Variants in LYPD8 observed in about 807,000 individuals in gnomAD.
LYPD8 encodes the protein ly6/PLAUR domain-containing protein 8.
Under a neutral mutation model 1.7 loss-of-function variants are expected in LYPD8, and 8 were observed. The ratio of observed to expected loss-of-function variants is 4.58; its 90% CI spans 2.69 to 8.27. The LOEUF (loss-of-function observed/expected upper bound fraction) is 8.27. LYPD8 is among the 30% of genes most tolerant of loss of function. The pLI is 0.00. For missense variants in LYPD8, 112 were observed against 102.3 expected (o/e 1.09, Z -0.41); for synonymous variants, 50 against 43.6 (o/e 1.15, Z -0.58).
At position 248,748,463 on chromosome 1, in the gene LYPD8, G is replaced by A. The variant is rs1343717660; in HGVS notation, c.173-10C>T. 2.5e-6 allele frequency: 1 copy of A among 401,684 alleles called. No individual in the cohort carries two copies. The highest frequency in any genetic ancestry group is 2.1e-5 in the African/African-American group (1 of 48,668). The allele number at this position is 401,684 out of a possible 1,614,324, so 24.9% of individuals were successfully genotyped here. A position where few individuals can be genotyped will look rare whatever the true frequency, so the allele number is the denominator to read the frequency against. ...AATCTGACTGGTGTCTCTACACAAAGACAAACACAGACTGTCAGCCCCTGG... is the reference window on the plus strand; with the variant it reads ...AATCTGACTGGTGTCTCTACACAAAAACAAACACAGACTGTCAGCCCCTGG... On this transcript the variant is annotated splice_polypyrimidine_tract_variant and intron_variant, in intron 4 of 6. Coordinates refer to ENST00000590317, the MANE Select transcript of LYPD8 (RefSeq NM_001085474.2).
In LYPD8 at chr1:248,739,638, G is replaced by C; in HGVS notation, c.687C>G (p.Ser229Arg). 2 of 1,551,720 alleles carry C rather than the reference G, an allele frequency of 1.3e-6. No individual in the cohort carries two copies. Among genetic ancestry groups the C allele is most frequent in the Non-Finnish European group, 1.7e-6 (2 of 1,147,006 alleles). ...AGGGCAGCAGTCCCCGAAGAAGGAG[G>C]CTGGCAAGGGCCAAGAGGTAGAGGG... ...KASLYLLALASLLLRGLLP is the reference protein window; with the variant it reads ...KASLYLLALARLLLRGLLP Residue 229 changes from serine to arginine, a missense_variant, in exon 7 of 7, where the codon AGC becomes AGG. Transcript: ENST00000590317. This position sits in a 1 kb window ranked among gnomAD's most constrained non-coding sequence, Gnocchi z 4.3.
chr1:248,746,245 C>G (rs1662724416), intron 5 of LYPD8, among the ~76,000 whole-genome samples: 1 of 152,032 alleles, frequency 6.6e-6, no homozygotes, highest in Non-Finnish European at 1.5e-5. Context: ...CTTTGGGGTC[C>G]TCAATAATTT....
At chr1:248,742,605 G>T (rs797043422) in intron 6 of LYPD8, among the ~76,000 whole-genome samples, 1 of 90,120 alleles carries the variant, frequency 1.1e-5, no homozygotes, top group Non-Finnish European at 2.2e-5. Context: ...GCAGTCGGGG[G>T]AGATTATGCT....
intron 2 of LYPD8, among the ~76,000 whole-genome samples, chr1:248,752,354 C>T (rs1476066215): frequency 6.6e-6 from 1 of 151,936 alleles, no homozygotes; most frequent in Non-Finnish European, 1.5e-5. Flanking sequence ...TCGCTCGGCT[C>T]CTAAGGCCAA....
chr1:248,745,395 T>C (rs1414041326), intron 5 of LYPD8, 116 bp from the exon 6 acceptor site: 1 of 394,768 alleles, frequency 2.5e-6, no homozygotes, highest in Non-Finnish European at 4.5e-6. Flanking sequence ...ATGACATCCT[T>C]GGGAATCTCA....
chr1:248,752,964 C>CACATCACACA (rs1662841260), intron 2 of LYPD8, among the ~76,000 whole-genome samples: 1 of 124,560 alleles, frequency 8.0e-6, no homozygotes, highest in Non-Finnish European at 1.6e-5. Flanking sequence ...ACCAAACACC[C>CACATCACACA]CACACAACAC....
At chr1:248,754,081 C>A (rs1662886459) in intron 2 of LYPD8, among the ~76,000 whole-genome samples, 1 of 148,542 alleles carries the variant, frequency 6.7e-6, no homozygotes, top group Non-Finnish European at 1.5e-5. Flanking sequence ...ACACCACACA[C>A]ATACACCACA....
chr1:248,744,777 AAGTGT>A (rs1396281319), intron 6 of LYPD8, among the ~76,000 whole-genome samples: 1 of 152,030 alleles, frequency 6.6e-6, no homozygotes, highest in Non-Finnish European at 1.5e-5. Flanking sequence ...TAGAGAATAA[AAGTGT>A]AGATATAAAA....
At chr1:248,740,117 C>G (rs1331673262) in intron 6 of LYPD8, among the ~76,000 whole-genome samples, 1 of 152,212 alleles carries the variant, frequency 6.6e-6, no homozygotes, top group African/African-American at 2.4e-5. Context: ...GAGTGGCAAG[C>G]CCAGGCTAAA....
Position 248,739,981 on chromosome 1 carries a change from G to T in LYPD8, c.476-132C>A. 2 of 1,188,040 alleles carry T rather than the reference G, an allele frequency of 1.7e-6. No individual in the cohort carries two copies. The highest frequency in any genetic ancestry group is 2.3e-6 in the Non-Finnish European group (2 of 856,490). 73.6% of individuals were successfully genotyped at this position (1,188,040 alleles called of 1,614,324 possible). A position where few individuals can be genotyped will look rare whatever the true frequency, so the allele number is the denominator to read the frequency against. On this transcript the variant is annotated intron_variant, in intron 6 of 6. Transcript: ENST00000590317. The surrounding 1 kb of genome is among the most constrained non-coding windows in gnomAD (Gnocchi z 4.3). ...GAGCTGGTGTGCTCCTGAAGCCCAG[G>T]CAGGAAGAAGGAGCCTGCGTGTTCA...
Position 248,751,020 on chromosome 1 carries a change from G to A in LYPD8, c.52+10C>T, listed in dbSNP as rs1310890443. 5.0e-6 allele frequency: 2 copies of A among 398,500 alleles called. No individual in the cohort carries two copies. The highest frequency in any genetic ancestry group is 2.1e-5 in the African/African-American group (1 of 48,626). The allele number at this position is 398,500 out of a possible 1,614,324, so 24.7% of individuals were successfully genotyped here. A position where few individuals can be genotyped will look rare whatever the true frequency, so the allele number is the denominator to read the frequency against. On this transcript the variant is annotated intron_variant, in intron 3 of 6. Coordinates refer to ENST00000590317, the MANE Select transcript of LYPD8 (RefSeq NM_001085474.2). ...TCCATTCTAAAAAGGGGCCACGTGA[G>A]TTCTCTTACCTACAGCTGCAACAAG...
chr1:248,744,491 ATCAAATGTGGATCTCACAATGGGTAGCG>A (rs1187648404), intron 6 of LYPD8, among the ~76,000 whole-genome samples: 14 of 142,174 alleles, frequency 9.8e-5, no homozygotes, highest in East Asian at 3.9e-4. Flanking sequence ...AATGGTTAGT[ATCAAATGTGGATCTCACAATGGGTAGCG>A]TCAAATGTGG....
chr1:248,752,743 C>T, intron 2 of LYPD8, among the ~76,000 whole-genome samples: 1 of 129,142 alleles, frequency 7.7e-6, no homozygotes, highest in South Asian at 2.7e-4. Flanking sequence ...ATCACACACA[C>T]CACACACCCC....
chr1:248,752,721 G>C (rs1396700888), intron 2 of LYPD8, among the ~76,000 whole-genome samples: 31 of 31,730 alleles, frequency 9.8e-4, no homozygotes, highest in Admixed American at 1.9e-3. Context: ...ACTCCCCACT[G>C]AACACACACA....
intron 6 of LYPD8, among the ~76,000 whole-genome samples, chr1:248,743,616 T>C (rs1349002237): frequency 1.3e-5 from 2 of 152,236 alleles, no homozygotes; most frequent in African/African-American, 2.4e-5. Context: ...ACCTGGATAC[T>C]AGTGCTCTTA....
At chr1:248,752,611 A>AC (rs1662819249) in intron 2 of LYPD8, among the ~76,000 whole-genome samples, 1 of 128,792 alleles carries the variant, frequency 7.8e-6, no homozygotes, top group Admixed American at 7.7e-5. Context: ...CACACCCCAC[A>AC]CACATCACAC....
At chr1:248,753,501 A>ACACCAC (rs1223830930) in intron 2 of LYPD8, among the ~76,000 whole-genome samples, 5 of 100,698 alleles carry the variant, frequency 5.0e-5, no homozygotes, top group African/African-American at 2.2e-4. Context: ...CACAACACAC[A>ACACCAC]ACACAACACA....
chr1:248,753,401 TCA>T (rs1208060259), intron 2 of LYPD8, among the ~76,000 whole-genome samples: 3 of 29,128 alleles, frequency 1.0e-4, no homozygotes, highest in Non-Finnish European at 2.0e-4. Flanking sequence ...CACATACACA[TCA>T]CACACACACC....
chr1:248,753,291 ACC>A (rs1662859045), intron 2 of LYPD8, among the ~76,000 whole-genome samples: 1 of 70,928 alleles, frequency 1.4e-5, no homozygotes, highest in African/African-American at 6.7e-5. Flanking sequence ...ACACACACAC[ACC>A]ACACACACCA....
Sources: gnomAD v4.1 joint callset for allele counts (sites outside exome capture counted in the v4.1 genomes callset) on GRCh38, gnomAD v4.1.1 for gene constraint, Gnocchi (gnomAD v3.1) non-coding constraint, MANE v1.5 for transcripts, NCBI Gene and HGNC (gene_info 2026-07-23, HGNC 2026-07-21) for gene names.